The following STON2 variants were observed in gnomAD, a reference collection of about 807,000 sequenced individuals.
STON2 encodes stonin-2.
STON2 carries 29 observed loss-of-function variants against 65.7 expected under a neutral mutation model. The ratio of observed to expected loss-of-function variants is 0.44; its 90% CI spans 0.33 to 0.60. The LOEUF is 0.60. Ranked by LOEUF, STON2 falls within the 20% of genes least tolerant of loss-of-function variation. The pLI, the probability that STON2 is intolerant of heterozygous loss-of-function variation, is 0.03. For synonymous variants in STON2, 404 were observed against 414.2 expected, an observed-to-expected ratio of 0.98 and a Z score of 0.30; for missense variants, 1,054 against 1,118.1, an observed-to-expected ratio of 0.94 and a Z score of 0.82.
rs909038133 is a variant in STON2, at chr14:81,267,181, G to A, written c.*1233C>T. 1.7e-5 allele frequency: 17 copies of A among 985,208 alleles called. No homozygotes were observed. In the Admixed American group the frequency reaches 6.8e-4, roughly 39 times the overall value. The allele number at this position is 985,208 out of a possible 1,614,324, so 61.0% of individuals were successfully genotyped here. On this transcript the variant is annotated 3_prime_UTR_variant, in exon 8 of 8. Transcript: ENST00000614646. ...ATAAGAAGCAGAGGTGAGTAGGAAC[G>A]GATGAAGGAAAAGAAGATTAATTGT...
At position 81,396,116 on chromosome 14, in the gene STON2, C is replaced by G; in HGVS notation, c.151G>C (p.Gly51Arg). ...SSPDQSESSS[G>R]ENHVVDGGSQ... is the part of the protein sequence containing the mutation. ...CCTCCATCCACCACATGGTTCTCCC[C>G]GGAGGAGCTCTCGGACTGGTCTGGG... Residue 51 changes from glycine to arginine, a missense_variant, in exon 3 of 8, where the codon GGG becomes CGG. Coordinates refer to ENST00000614646, the MANE Select transcript of STON2 (RefSeq NM_001394390.1). The G allele has an allele frequency of 1.2e-6, 2 of 1,614,090 alleles. No homozygotes were observed. The highest frequency in any genetic ancestry group is 1.3e-5 in the African/African-American group (1 of 75,034).
At chr14:81,340,249 C>G (rs902317401) in intron 4 of STON2, among the ~76,000 whole-genome samples, 1 of 152,164 alleles carries the variant, frequency 6.6e-6, no homozygotes. Flanking sequence ...AAAATGCAAA[C>G]TAATTTCTAG....
At chr14:81,420,272 T>C (rs1322305066) in intron 2 of STON2, among the ~76,000 whole-genome samples, 1 of 152,170 alleles carries the variant, frequency 6.6e-6, no homozygotes, top group Non-Finnish European at 1.5e-5. Context: ...TACGGAAAGT[T>C]AAAATCTGGA....
intron 6 of STON2, among the ~76,000 whole-genome samples, chr14:81,271,445 G>C (rs1445231744): frequency 1.3e-5 from 2 of 152,192 alleles, no homozygotes; most frequent in African/African-American, 4.8e-5. Context: ...CCAACCAGCA[G>C]AACACCTGGG....
Position 81,351,898 on chromosome 14 carries a change from C to T in STON2, c.571+19090G>A, listed in dbSNP as rs374291066. Reference sequence around the variant, plus strand: ...GAGTCTGTGCTTCATTGTATAAGCACCAGAGGCGTATAAGCAAAGCAGGGA... The same window carrying T: ...GAGTCTGTGCTTCATTGTATAAGCATCAGAGGCGTATAAGCAAAGCAGGGA... On this transcript the variant is annotated intron_variant, in intron 4 of 7. Coordinates refer to ENST00000614646, the MANE Select transcript of STON2 (RefSeq NM_001394390.1). 1.4e-4 allele frequency among the ~76,000 whole-genome samples: 22 copies of T among 152,244 alleles called. No individual in the cohort carries two copies. In the East Asian group the frequency reaches 1.9e-3, roughly 13 times the overall value.
At chr14:81,298,136 G>GA (rs1895832669) in intron 5 of STON2, among the ~76,000 whole-genome samples, 1 of 152,094 alleles carries the variant, frequency 6.6e-6, no homozygotes, top group Admixed American at 6.5e-5. Flanking sequence ...TAATTAGAAA[G>GA]AAAAAAAGGA....
At chr14:81,296,935 C>A (rs949323569) in intron 5 of STON2, among the ~76,000 whole-genome samples, 1 of 152,192 alleles carries the variant, frequency 6.6e-6, no homozygotes, top group Admixed American at 6.5e-5. Context: ...GAAATAAGCA[C>A]ATACCATCTT....
Position 81,260,906 on chromosome 14 carries a change from T to C in STON2, c.*7508A>G, listed in dbSNP as rs1894114144. The C allele has an allele frequency of 6.6e-6, 1 of 152,194 alleles. No individual in the cohort carries two copies. The highest frequency in any genetic ancestry group is 2.4e-5 in the African/African-American group (1 of 41,442). 9.4% of individuals were successfully genotyped at this position (152,194 alleles called of 1,614,324 possible). The stretch of plus-strand genomic sequence containing the variant: ...TGTAAGGCTTGGAACAGCTGAATCA[T>C]TCACTGGATCTTGGGTTCATCCATC... On this transcript the variant is annotated 3_prime_UTR_variant, in exon 8 of 8. Transcript: ENST00000614646.
rs950375553 is a variant in STON2 at position 81,395,885 on chromosome 14, C to T, written c.373+9G>A. The T allele has an allele frequency of 6.2e-7, 1 of 1,613,708 alleles. No homozygotes were observed. Among genetic ancestry groups the T allele is most frequent in the Non-Finnish European group, 8.5e-7 (1 of 1,179,818 alleles). On this transcript the variant is annotated intron_variant, in intron 3 of 7. Coordinates refer to ENST00000614646, the MANE Select transcript of STON2 (RefSeq NM_001394390.1). ...ACAAACCCAAGCCGGGCCCTTCCTA[C>T]CTCCTCACCTGTCTCAGCTGTTTCC... is the stretch of plus-strand genomic sequence containing the variant.
At chr14:81,429,504 G>A (rs1902137332) in intron 1 of STON2, among the ~76,000 whole-genome samples, 1 of 152,212 alleles carries the variant, frequency 6.6e-6, no homozygotes, top group Non-Finnish European at 1.5e-5. Flanking sequence ...TCAGAGTCCA[G>A]TGTTATTCAC....
chr14:81,267,208 C>G lies in STON2; in HGVS notation c.*1206G>C. On this transcript the variant is annotated 3_prime_UTR_variant, in exon 8 of 8. Transcript: ENST00000614646. ...ATGAAGGAAAAGAAGATTAATTGTC[C>G]CAGAAACAGATGAAGAAAAAGAAGA... The G allele has an allele frequency of 1.0e-6, 1 of 985,190 alleles. No homozygotes were observed. Among genetic ancestry groups the G allele is most frequent in the Non-Finnish European group, 1.2e-6 (1 of 829,866 alleles). 61.0% of individuals were successfully genotyped at this position (985,190 alleles called of 1,614,324 possible). A position where few individuals can be genotyped will look rare whatever the true frequency, so the allele number is the denominator to read the frequency against.
intron 3 of STON2, among the ~76,000 whole-genome samples, chr14:81,380,865 T>G (rs1411355818): frequency 6.6e-6 from 1 of 152,112 alleles, no homozygotes; most frequent in Non-Finnish European, 1.5e-5. Flanking sequence ...AAACTACCTA[T>G]TGGGTATTAT....
In STON2 at chr14:81,278,654, G is replaced by T. The variant is rs1247870399; in HGVS notation, c.828C>A (p.His276Gln). Residue 276 changes from histidine (H) to glutamine (Q), a missense_variant, in exon 6 of 8, where the codon CAC (histidine) becomes CAA (glutamine). Physicochemically the swap from His to Gln is conservative, Grantham distance 24. Transcript: ENST00000614646. ...WQASSPAMNG[H>Q]PAPPVTSARF... The stretch of plus-strand genomic sequence containing the variant: ...GAGCAGAGGTCACTGGAGGGGCAGG[G>T]TGCCCATTCATGGCTGGACTGCTGG... 1.0e-5 allele frequency: 16 copies of T among 1,557,342 alleles called. No homozygotes were observed. Among genetic ancestry groups the T allele is most frequent in the East Asian group, 2.3e-5 (1 of 44,362 alleles).
chr14:81,303,197 G>C (rs959787654), intron 5 of STON2, among the ~76,000 whole-genome samples: 3 of 152,070 alleles, frequency 2.0e-5, no homozygotes, highest in Non-Finnish European at 4.4e-5. Flanking sequence ...GCTTTCAGAA[G>C]AAACATGTCT....
At position 81,266,827 on chromosome 14, in the gene STON2, A is replaced by T. The variant is rs8014397; in HGVS notation, c.*1587T>A. ...AACACCACACACATAAACACACACA[A>T]ACACACACATCCACAAACACACACT... On this transcript the variant is annotated 3_prime_UTR_variant, in exon 8 of 8. Transcript: ENST00000614646. 2 of 211,404 alleles carry T rather than the reference A, an allele frequency of 9.5e-6. No homozygotes were observed. The highest frequency in any genetic ancestry group is 1.3e-5 in the Non-Finnish European group (2 of 149,034). The allele number at this position is 211,404 out of a possible 1,614,324, so 13.1% of individuals were successfully genotyped here.
chr14:81,404,617 C>T (rs1566946020), upstream of STON2, among the ~76,000 whole-genome samples: 5 of 152,196 alleles, frequency 3.3e-5, no homozygotes. Context: ...GATCCTCCCA[C>T]CTCAGCCTCC....
intron 2 of STON2, among the ~76,000 whole-genome samples, chr14:81,414,397 T>C (rs907071116): frequency 6.6e-6 from 1 of 152,114 alleles, no homozygotes; most frequent in Admixed American, 6.6e-5. Flanking sequence ...CAGGGCAATG[T>C]GGATGCTCAC....
At chr14:81,308,847 TATATAC>T (rs1382217029) in intron 5 of STON2, among the ~76,000 whole-genome samples, 5 of 9,510 alleles carry the variant, frequency 5.3e-4, no homozygotes, top group Middle Eastern at 0.045. Flanking sequence ...TATATATATA[TATATAC>T]ACATACATAC....
intron 4 of STON2, among the ~76,000 whole-genome samples, chr14:81,349,062 CT>C (rs1595380628): frequency 6.6e-6 from 1 of 152,084 alleles, no homozygotes; most frequent in African/African-American, 2.4e-5. Flanking sequence ...AACTAGACCC[CT>C]ATCTCTATCC....
Sources: allele counts gnomAD v4.1 joint callset (sites outside exome capture counted in the v4.1 genomes callset), GRCh38; gene constraint gnomAD v4.1.1; transcripts MANE v1.5; gene names NCBI Gene and HGNC (gene_info 2026-07-23, HGNC 2026-07-21).